The following CAB39L variants were observed in gnomAD, a reference collection of about 807,000 sequenced individuals.
The protein encoded by CAB39L is calcium-binding protein 39-like.
In CAB39L, 23 loss-of-function variants were observed where a neutral mutation model predicts 39.1. The observed-to-expected ratio is 0.59, with a 90% CI of 0.42 to 0.83. CAB39L has a LOEUF of 0.83. Among genes scored for constraint, CAB39L ranks in the 40% least tolerant of loss-of-function variants. The pLI, the probability that CAB39L is intolerant of heterozygous loss-of-function variation, is 0.00. For synonymous variants in CAB39L, 126 were observed against 137.2 expected (o/e 0.92, Z 0.57); for missense variants, 366 against 391.9 (o/e 0.93, Z 0.56).
chr13:49,338,913 G>GA (rs977304614), intron 9 of CAB39L, among the ~76,000 whole-genome samples: 2 of 152,022 alleles, frequency 1.3e-5, no homozygotes, highest in African/African-American at 4.8e-5. Flanking sequence ...ACCTGGTGAT[G>GA]AAATATAGCA....
At chr13:49,406,879 T>C (rs900645743) in intron 3 of CAB39L, among the ~76,000 whole-genome samples, 6 of 152,164 alleles carry the variant, frequency 3.9e-5, no homozygotes, top group African/African-American at 9.7e-5. Context: ...TTACTAAAAA[T>C]AAAATCACTG....
chr13:49,429,041 C>T (rs1202419833), intron 3 of CAB39L, among the ~76,000 whole-genome samples: 2 of 152,094 alleles, frequency 1.3e-5, no homozygotes, highest in Non-Finnish European at 2.9e-5. Context: ...AATTATATAG[C>T]ATTTTATAAT....
chr13:49,371,737 C>T (rs1374316787), intron 5 of CAB39L, among the ~76,000 whole-genome samples: 1 of 152,018 alleles, frequency 6.6e-6, no homozygotes, highest in African/African-American at 2.4e-5. Flanking sequence ...GCTGGGACCA[C>T]AGGCAGGCAT....
intron 1 of CAB39L, among the ~76,000 whole-genome samples, chr13:49,442,533 T>C (rs545236755): frequency 2.3e-4 from 35 of 152,254 alleles, no homozygotes; most frequent in African/African-American, 8.4e-4. Flanking sequence ...GGCTCACACC[T>C]GTAATCCCAG....
In CAB39L at chr13:49,309,173, A is replaced by G. The variant is rs980853569; in HGVS notation, c.*1641T>C. ...AAAATAATCTGACGTCAGTGACTAA[A>G]GAGTACGGGTCATCAGGCTGCCGGC... On this transcript the variant is annotated 3_prime_UTR_variant, in exon 11 of 11. Coordinates refer to ENST00000409308, the MANE Select transcript of CAB39L (RefSeq NM_001079670.3). 2 of 152,242 alleles carry G rather than the reference A, an allele frequency of 1.3e-5. No individual in the cohort carries two copies. Among genetic ancestry groups the G allele is most frequent in the Admixed American group, 6.5e-5 (1 of 15,286 alleles). The allele number at this position is 152,242 out of a possible 1,614,324, so 9.4% of individuals were successfully genotyped here.
intron 1 of CAB39L, among the ~76,000 whole-genome samples, chr13:49,439,998 A>T (rs1427722629): frequency 1.5e-5 from 2 of 134,758 alleles, no homozygotes; most frequent in African/African-American, 5.7e-5. Flanking sequence ...TCAGATGCAT[A>T]GTTTGCAAAT....
intron 5 of CAB39L, among the ~76,000 whole-genome samples, chr13:49,372,791 C>T (rs1386764246): frequency 6.6e-6 from 1 of 152,240 alleles, no homozygotes; most frequent in South Asian, 2.1e-4. Context: ...CTGCCTCAGC[C>T]TCCCTCCAGA....
chr13:49,312,619 G>A (rs1251856413), intron 10 of CAB39L, among the ~76,000 whole-genome samples: 3 of 152,144 alleles, frequency 2.0e-5, no homozygotes, highest in Admixed American at 1.3e-4. Context: ...AAAGGACATC[G>A]CCTAGTGAGC....
intron 1 of CAB39L, among the ~76,000 whole-genome samples, chr13:49,442,787 CAAAAAAAAAAAAAAAAAAA>C (rs71078844): frequency 9.6e-6 from 1 of 103,690 alleles, no homozygotes; most frequent in Admixed American, 9.7e-5. Flanking sequence ...GACTCCATCT[CAAAAAAAAAAAAAAAAAAA>C]AAAAAAAAAA....
chr13:49,419,778 T>C (rs1213655323), intron 3 of CAB39L, among the ~76,000 whole-genome samples: 3 of 152,180 alleles, frequency 2.0e-5, no homozygotes, highest in Non-Finnish European at 2.9e-5. Context: ...CGGGATTTTA[T>C]GACCTTCCCC....
At chr13:49,332,830 A>G (rs1261542878) in intron 9 of CAB39L, among the ~76,000 whole-genome samples, 2 of 151,774 alleles carry the variant, frequency 1.3e-5, no homozygotes, top group East Asian at 3.9e-4. Context: ...TGGCTGCTGT[A>G]GCAATTCCTA....
chr13:49,377,746 C>T (rs1360540762), intron 4 of CAB39L, among the ~76,000 whole-genome samples: 3 of 84,550 alleles, frequency 3.5e-5, no homozygotes, highest in South Asian at 4.0e-4. Flanking sequence ...TCACTACAAC[C>T]TACACCTCCC....
At position 49,350,846 on chromosome 13, in the gene CAB39L, T is replaced by C. The variant is rs375132626; in HGVS notation, c.462A>G (p.Pro154=). ...TAGAAAAGAGGATGATTTTGGCAAG[T>C]GGTTCATGTCGAATACATTCTCTCA... ...IMLRECIRHE[P]LAKIILFSNQ... is the part of the protein sequence containing the mutation. Residue 154 remains proline, a synonymous_variant, in exon 7 of 11, where the codon CCA becomes CCG. Coordinates refer to ENST00000409308, the MANE Select transcript of CAB39L (RefSeq NM_001079670.3). 14 of 1,612,730 alleles carry C rather than the reference T, an allele frequency of 8.7e-6. 1 individual carries two copies. Among genetic ancestry groups the C allele is most frequent in the Non-Finnish European group, 1.1e-5 (13 of 1,179,352 alleles).
intron 5 of CAB39L, among the ~76,000 whole-genome samples, chr13:49,372,664 GTTGTTT>G (rs1267188569): frequency 6.6e-6 from 1 of 151,974 alleles, no homozygotes; most frequent in African/African-American, 2.4e-5. Context: ...GTTTTTTGTT[GTTGTTT>G]TTGTTTTTGT....
chr13:49,427,895 A>G lies in CAB39L; in HGVS notation c.-32+5423T>C, dbSNP rs1286767989. Among the ~76,000 whole-genome samples the G allele has an allele frequency of 2.6e-5, 4 of 152,144 alleles. No individual in the cohort carries two copies. The East Asian group carries it at 7.7e-4, about 29-fold the overall frequency. ...GGCCATCTTTTCGCTGTATCCTCAC[A>G]TAGTGGAAGGCGAAACAAGCTCTCT... On this transcript the variant is annotated intron_variant, in intron 3 of 10. Transcript: ENST00000409308.
At chr13:49,329,991 G>GT (rs1393032913) in intron 10 of CAB39L, among the ~76,000 whole-genome samples, 2 of 152,068 alleles carry the variant, frequency 1.3e-5, no homozygotes, top group Non-Finnish European at 2.9e-5. Context: ...GGGGCTAAAC[G>GT]TGAATCTTGA....
chr13:49,310,913 C>T lies in CAB39L; in HGVS notation c.915G>A (p.Leu305=), dbSNP rs1953965869. Reference sequence around the variant, plus strand: ...CCGTCCTTTCTTTTTGGAAGCTGCTCAGAAACTCAATGAGTTTGGGCTGAT... The same window carrying T: ...CCGTCCTTTCTTTTTGGAAGCTGCTTAGAAACTCAATGAGTTTGGGCTGAT... The part of the protein sequence containing the change: ...LKNQPKLIEF[L]SSFQKERTDD... The change falls in exon 11 of 11, where the codon CTG becomes CTA. Residue 305 remains leucine (L), a synonymous_variant. Transcript: ENST00000409308. The T allele has an allele frequency of 6.2e-7, 1 of 1,614,036 alleles. No individual in the cohort carries two copies. Among genetic ancestry groups the T allele is most frequent in the Non-Finnish European group, 8.5e-7 (1 of 1,180,034 alleles).
chr13:49,311,808 C>T (rs1953999422), intron 10 of CAB39L, among the ~76,000 whole-genome samples: 1 of 151,970 alleles, frequency 6.6e-6, no homozygotes, highest in Non-Finnish European at 1.5e-5. Context: ...TGTGTTATTG[C>T]AAAAGAGTAA....
chr13:49,378,755 A>G (rs1594022893), intron 4 of CAB39L, among the ~76,000 whole-genome samples: 1 of 30,960 alleles, frequency 3.2e-5, no homozygotes, highest in African/African-American at 2.1e-4. Context: ...CCCGTCCGGG[A>G]GGGAGGTGGG....
Sources: gnomAD v4.1 joint callset for allele counts (sites outside exome capture counted in the v4.1 genomes callset) on GRCh38, gnomAD v4.1.1 for gene constraint, MANE v1.5 for transcripts, NCBI Gene and HGNC (gene_info 2026-07-23, HGNC 2026-07-21) for gene names.